Variants in LINC00632 observed in about 807,000 individuals in gnomAD.
LINC00632 encodes the protein ALDOA related specific transcript.
chrX:140,759,197 C>T (rs1479600188), intron 3 of LINC00632, among the ~76,000 whole-genome samples: 1 of 107,205 alleles, frequency 9.3e-6, no homozygotes, highest in Non-Finnish European at 1.9e-5. Context: ...TGGTCTCGAA[C>T]TCCCGACCTC....
At chrX:140,783,955 T>C (rs1931976174) in exon 5 of LINC00632, 2 of 1,209,474 alleles carry the variant, frequency 1.7e-6, no homozygotes, top group South Asian at 1.8e-5. Flanking sequence ...AATCCACATC[T>C]TCCAATGGCC....
At chrX:140,741,732 G>C (rs921028909) in intron 3 of LINC00632, among the ~76,000 whole-genome samples, 28 of 112,190 alleles carry the variant, frequency 2.5e-4, no homozygotes, top group African/African-American at 8.7e-4. Context: ...GCTCATAATA[G>C]AGACCTTGGG....
At chrX:140,767,972 T>G (rs752547730) in intron 3 of LINC00632, among the ~76,000 whole-genome samples, 3 of 111,725 alleles carry the variant, frequency 2.7e-5, no homozygotes, top group Non-Finnish European at 1.9e-5. Context: ...TTAATACTGT[T>G]ACAGTGGCAA....
intron 2 of LINC00632, among the ~76,000 whole-genome samples, chrX:140,721,560 G>C (rs1301207168): frequency 9.0e-6 from 1 of 111,016 alleles, no homozygotes; most frequent in East Asian, 2.9e-4. Context: ...ACAGGAGGCA[G>C]AGCTCAGGTG....
At chrX:140,764,356 G>A (rs1348865594) in intron 3 of LINC00632, among the ~76,000 whole-genome samples, 2 of 100,651 alleles carry the variant, frequency 2.0e-5, no homozygotes, top group Non-Finnish European at 4.1e-5. Context: ...GGAGTGGGGC[G>A]GGGGCGGGGG....
exon 4 of LINC00632, among the ~76,000 whole-genome samples, chrX:140,772,938 G>T (rs191167855): frequency 8.9e-6 from 1 of 111,742 alleles, no homozygotes; most frequent in African/African-American, 3.2e-5. Flanking sequence ...ATGCCAGGTG[G>T]GTGGATCACT....
At chrX:140,773,150 G>C (rs965279621) in exon 4 of LINC00632, among the ~76,000 whole-genome samples, 7 of 111,037 alleles carry the variant, frequency 6.3e-5, no homozygotes, top group Admixed American at 3.8e-4. Flanking sequence ...TGGGTGACGA[G>C]AGCAAAGCTC....
chrX:140,780,587 T>C (rs948499799), exon 5 of LINC00632, among the ~76,000 whole-genome samples: 2 of 111,630 alleles, frequency 1.8e-5, no homozygotes, highest in Non-Finnish European at 3.8e-5. Context: ...GTAACTGTGA[T>C]ATAGGGGTAA....
At chrX:140,763,095 C>G (rs1931628213) in intron 3 of LINC00632, among the ~76,000 whole-genome samples, 1 of 111,613 alleles carries the variant, frequency 9.0e-6, no homozygotes, top group Non-Finnish European at 1.9e-5. Context: ...AGACTATAGA[C>G]AAAAAAATTC....
At chrX:140,758,964 CTTT>C (rs146312064) in intron 3 of LINC00632, among the ~76,000 whole-genome samples, 92 of 78,924 alleles carry the variant, frequency 1.2e-3, no homozygotes, top group South Asian at 3.8e-3. Context: ...CTTTTCTTTT[CTTT>C]TTTTTTTTTT....
At chrX:140,779,713 T>C (rs911581067) in exon 5 of LINC00632, among the ~76,000 whole-genome samples, 1 of 112,305 alleles carries the variant, frequency 8.9e-6, no homozygotes, top group Non-Finnish European at 1.9e-5. Flanking sequence ...ATCTATTGTG[T>C]TTGAGACACT....
intron 3 of LINC00632, among the ~76,000 whole-genome samples, chrX:140,743,224 C>CAAAAAAAAAAAAAAAAAAAAAAAAA (rs58322122): frequency 2.3e-5 from 1 of 44,355 alleles, no homozygotes; most frequent in African/African-American, 1.6e-4. Context: ...AACGCTGTCT[C>CAAAAAAAAAAAAAAAAAAAAAAAAA]AAAAAAAAAA....
exon 5 of LINC00632, among the ~76,000 whole-genome samples, chrX:140,778,627 A>AG (rs1407483579): frequency 1.8e-5 from 2 of 109,969 alleles, no homozygotes; most frequent in African/African-American, 6.6e-5. Flanking sequence ...AGAAAAAAAA[A>AG]AAAAAAAAGA....
chrX:140,778,752 CTT>C (rs935409747), exon 5 of LINC00632, among the ~76,000 whole-genome samples: 5 of 111,316 alleles, frequency 4.5e-5, no homozygotes, highest in African/African-American at 1.6e-4. Flanking sequence ...ACTAGGAACT[CTT>C]AATATAAATA....
At chrX:140,789,631 G>T (rs1201591226) in exon 5 of LINC00632, among the ~76,000 whole-genome samples, 3 of 111,850 alleles carry the variant, frequency 2.7e-5, no homozygotes, top group Non-Finnish European at 5.7e-5. Flanking sequence ...TATTATTTTT[G>T]ACTTTTGTCA....
intron 2 of LINC00632, chrX:140,713,574 T>C: frequency 2.9e-6 from 1 of 342,853 alleles, no homozygotes; most frequent in South Asian, 2.6e-5. Context: ...AAACTCACCC[T>C]TTAATGCACA....
rs1442124368 is a variant in LINC00632, at chrX:140,788,565, CTTTATG to C, written n.16587_16592del. Among the ~76,000 whole-genome samples, 6 of 109,099 alleles carry C rather than the reference CTTTATG, an allele frequency of 5.5e-5. No individual in the cohort carries two copies. In the East Asian group the frequency reaches 8.6e-4, roughly 16 times the overall value. The allele number at this position is 109,099 out of a possible 115,157, so 94.7% of individuals were successfully genotyped here. A position where few individuals can be genotyped will look rare whatever the true frequency, so the allele number is the denominator to read the frequency against. Reference sequence around the variant, plus strand: ...TTTTCAAAATTAAAATATATTTAAACTTTATGTTAATGTGTTTTTATTGATATAGGA... The same window carrying C: ...TTTTCAAAATTAAAATATATTTAAACTTAATGTGTTTTTATTGATATAGGA... On this transcript the variant is annotated non_coding_transcript_exon_variant, in exon 5 of 5. Coordinates refer to ENST00000648200, the Ensembl canonical transcript of LINC00632.
At chrX:140,734,919 G>A (rs1338247404) in intron 3 of LINC00632, among the ~76,000 whole-genome samples, 10 of 108,565 alleles carry the variant, frequency 9.2e-5, no homozygotes, top group African/African-American at 3.0e-4. Flanking sequence ...GTGCCACCAC[G>A]CCCGGCTAAT....
intron 3 of LINC00632, among the ~76,000 whole-genome samples, chrX:140,766,128 G>T (rs1250295219): frequency 9.0e-6 from 1 of 111,703 alleles, no homozygotes; most frequent in Non-Finnish European, 1.9e-5. Flanking sequence ...GTCATTGTCG[G>T]CATCGCCAAA....
Sources: allele counts gnomAD v4.1 joint callset (sites outside exome capture counted in the v4.1 genomes callset), GRCh38; gene constraint gnomAD v4.1.1; transcripts MANE v1.5; gene names NCBI Gene and HGNC (gene_info 2026-07-23, HGNC 2026-07-21).